The following GRID2 variants were observed in gnomAD, a reference collection of about 807,000 sequenced individuals.
GRID2 encodes the protein glutamate ionotropic receptor delta type subunit 2, also known as glutamate receptor ionotropic, delta-2.
Under a neutral mutation model 114.8 loss-of-function variants are expected in GRID2, and 33 were observed. The ratio of observed to expected loss-of-function variants is 0.29; its 90% CI spans 0.22 to 0.38. The LOEUF (loss-of-function observed/expected upper bound fraction) is 0.38, where lower values mean the gene tolerates loss of function less well. GRID2 is among the 10% of genes least tolerant of loss of function. The pLI is 1.00. For missense variants in GRID2, 1,184 were observed against 1,257.7 expected, an observed-to-expected ratio of 0.94 and a Z score of 0.89; for synonymous variants, 505 against 449.9, an observed-to-expected ratio of 1.12 and a Z score of -1.55.
At chr4:93,048,888 T>G (rs1463150707) in intron 2 of GRID2, among the ~76,000 whole-genome samples, 1 of 152,042 alleles carries the variant, frequency 6.6e-6, no homozygotes, top group Non-Finnish European at 1.5e-5. Context: ...AGGTTTCAAT[T>G]CACTAGGACC....
At chr4:92,705,253 A>C (rs1734900655) in intron 2 of GRID2, among the ~76,000 whole-genome samples, 1 of 152,306 alleles carries the variant, frequency 6.6e-6, no homozygotes, top group Admixed American at 6.5e-5. Context: ...GAAGCAGCTA[A>C]TATAATCTAT....
chr4:93,743,704 A>G (rs1731601866), intron 14 of GRID2, among the ~76,000 whole-genome samples: 1 of 152,190 alleles, frequency 6.6e-6, no homozygotes, highest in African/African-American at 2.4e-5. Flanking sequence ...TCCCCAAGGA[A>G]GGGCATTAAT....
intron 13 of GRID2, among the ~76,000 whole-genome samples, chr4:93,585,026 G>A (rs1436480429): frequency 1.3e-5 from 2 of 152,054 alleles, no homozygotes; most frequent in Non-Finnish European, 2.9e-5. Flanking sequence ...TTCATAATAA[G>A]CAGAGGTTAT....
Position 92,705,220 on chromosome 4 carries a change from A to T in GRID2, c.244+114934A>T, listed in dbSNP as rs771903361. Reference sequence around the variant, plus strand: ...TTATTATTCTAAACCAAAAGAAAAAAATCCATCAAATAATCTTGAAAAGAA... The same window carrying T: ...TTATTATTCTAAACCAAAAGAAAAATATCCATCAAATAATCTTGAAAAGAA... On this transcript the variant is annotated intron_variant, in intron 2 of 15. Transcript: ENST00000282020. Among the ~76,000 whole-genome samples the T allele has an allele frequency of 4.6e-5, 7 of 152,290 alleles. No homozygotes were observed. The East Asian group carries it at 1.2e-3, about 25-fold the overall frequency.
chr4:92,976,068 C>T (rs1164203703), intron 2 of GRID2, among the ~76,000 whole-genome samples: 1 of 151,768 alleles, frequency 6.6e-6, no homozygotes, highest in Non-Finnish European at 1.5e-5. Flanking sequence ...CATATATAAG[C>T]AGAGAATATC....
At chr4:92,360,614 A>G (rs545003836) in intron 1 of GRID2, among the ~76,000 whole-genome samples, 1 of 152,140 alleles carries the variant, frequency 6.6e-6, no homozygotes, top group East Asian at 1.9e-4. Flanking sequence ...ACAGCCACCC[A>G]GCATTGTTCA....
chr4:92,654,314 C>T (rs1732120140), intron 2 of GRID2, among the ~76,000 whole-genome samples: 1 of 151,980 alleles, frequency 6.6e-6, no homozygotes. Context: ...GGACTTCATT[C>T]TCATGAGGTC....
intron 2 of GRID2, among the ~76,000 whole-genome samples, chr4:92,729,696 G>A (rs542511111): frequency 1.8e-4 from 28 of 152,024 alleles, no homozygotes; most frequent in African/African-American, 5.3e-4. Flanking sequence ...ACATCATGGG[G>A]AAAAAATGTA....
intron 2 of GRID2, among the ~76,000 whole-genome samples, chr4:92,637,671 T>C (rs1377346249): frequency 6.6e-6 from 1 of 152,012 alleles, no homozygotes; most frequent in Non-Finnish European, 1.5e-5. Flanking sequence ...CTCCTATACA[T>C]CTTTAAAACT....
chr4:92,977,215 A>G (rs1250632087), intron 2 of GRID2, among the ~76,000 whole-genome samples: 1 of 152,168 alleles, frequency 6.6e-6, no homozygotes, highest in African/African-American at 2.4e-5. Flanking sequence ...AAGTGCGATT[A>G]ACAGGAGAAG....
At position 93,101,144 on chromosome 4, in the gene GRID2, A is replaced by G. The variant is rs1441392056; in HGVS notation, c.530-9604A>G. Among the ~76,000 whole-genome samples, 6 of 152,232 alleles carry G rather than the reference A, an allele frequency of 3.9e-5. No homozygotes were observed. In the East Asian group the frequency reaches 7.7e-4, roughly 20 times the overall value. ...ATTTGTTTATGTTTCTTAAATTTTTAACATTGATACATATGACATGTACAT... is the reference window on the plus strand; with the variant it reads ...ATTTGTTTATGTTTCTTAAATTTTTGACATTGATACATATGACATGTACAT... On this transcript the variant is annotated intron_variant, in intron 3 of 15. Transcript: ENST00000282020.
chr4:93,255,931 G>A (rs1749530566), intron 8 of GRID2, among the ~76,000 whole-genome samples: 1 of 151,966 alleles, frequency 6.6e-6, no homozygotes, highest in African/African-American at 2.4e-5. Context: ...CAGTTTTATA[G>A]TTATGTTATA....
chr4:93,050,599 C>T (rs550978863), intron 2 of GRID2, among the ~76,000 whole-genome samples: 204 of 150,826 alleles, frequency 1.4e-3, no homozygotes, highest in Non-Finnish European at 2.3e-3. Flanking sequence ...CAAAGAACAA[C>T]TAAAAATGTT....
intron 13 of GRID2, among the ~76,000 whole-genome samples, chr4:93,614,830 G>A (rs1219385151): frequency 1.3e-5 from 2 of 152,088 alleles, no homozygotes; most frequent in East Asian, 3.9e-4. Flanking sequence ...AATACTACAG[G>A]ACTAATTTAA....
chr4:93,045,718 G>A (rs975375500), intron 2 of GRID2, among the ~76,000 whole-genome samples: 1 of 152,024 alleles, frequency 6.6e-6, no homozygotes, highest in Non-Finnish European at 1.5e-5. Flanking sequence ...CCACTCCAGC[G>A]TTACAGACCA....
intron 2 of GRID2, among the ~76,000 whole-genome samples, chr4:92,682,502 C>A (rs1277279768): frequency 6.6e-6 from 1 of 152,146 alleles, no homozygotes; most frequent in Admixed American, 6.5e-5. Context: ...AGTATACTTC[C>A]ATTTCATATC....
intron 8 of GRID2, among the ~76,000 whole-genome samples, chr4:93,291,776 T>C (rs907527983): frequency 6.6e-6 from 1 of 152,170 alleles, no homozygotes; most frequent in African/African-American, 2.4e-5. Context: ...TGTTTTCTTT[T>C]TTCTTTTTTC....
In GRID2 at chr4:92,451,166, C is replaced by T. The variant is rs1258074754; in HGVS notation, c.89-138965C>T. On this transcript the variant is annotated intron_variant, in intron 1 of 15. Coordinates refer to ENST00000282020, the MANE Select transcript of GRID2 (RefSeq NM_001510.4). ...TAGAACTTGAACTGAAGAGACTAGC[C>T]TGACCGTGGAGCTGACAAAGAAAGA... 2.6e-5 allele frequency among the ~76,000 whole-genome samples: 4 copies of T among 152,000 alleles called. No individual in the cohort carries two copies. In the East Asian group the frequency reaches 7.7e-4, roughly 29 times the overall value.
intron 13 of GRID2, among the ~76,000 whole-genome samples, chr4:93,603,114 G>A (rs1208420253): frequency 2.6e-5 from 4 of 152,112 alleles, no homozygotes; most frequent in Non-Finnish European, 2.9e-5. Context: ...GGAGGCTGAG[G>A]CAGGATAATC....
Sources: allele counts gnomAD v4.1 joint callset (sites outside exome capture counted in the v4.1 genomes callset), GRCh38; gene constraint gnomAD v4.1.1; transcripts MANE v1.5; gene names NCBI Gene and HGNC (gene_info 2026-07-23, HGNC 2026-07-21).